SPNS2: variants seen among roughly 807,000 people sequenced by gnomAD.
The protein encoded by SPNS2 is SPNS lysolipid transporter 2, sphingosine-1-phosphate, also known as sphingosine-1-phosphate transporter SPNS2.
Under a neutral mutation model 57.6 loss-of-function variants are expected in SPNS2, and 37 were observed. The observed-to-expected ratio is 0.64, with a 90% confidence interval of 0.49 to 0.85. The LOEUF is 0.85. Among genes scored for constraint, SPNS2 ranks in the 40% least tolerant of loss-of-function variants. The probability of loss-of-function intolerance (pLI) is 0.00; values close to 1 mark genes in which losing one functional copy is unlikely to be tolerated. For missense variants in SPNS2, 831 were observed against 779.1 expected (o/e 1.07, Z -0.79); for synonymous variants, 440 against 346.9 (o/e 1.27, Z -2.98).
chr17:4,499,456 C>A lies in SPNS2; in HGVS notation c.370+39C>A. The A allele has an allele frequency of 8.2e-7, 1 of 1,220,486 alleles. No homozygotes were observed. The highest frequency in any genetic ancestry group is 1.1e-6 in the Non-Finnish European group (1 of 949,932). 75.6% of individuals were successfully genotyped at this position (1,220,486 alleles called of 1,614,324 possible). The stretch of plus-strand genomic sequence containing the variant: ...CCACCCAGCCCGAGGACCAAGACCC[C>A]ACCCCATCCCACCACCCGCCTCGAG... On this transcript the variant is annotated intron_variant, in intron 1 of 12. Coordinates refer to ENST00000329078, the MANE Select transcript of SPNS2 (RefSeq NM_001124758.3). This position sits in a 1 kb window ranked among gnomAD's most constrained non-coding sequence, Gnocchi z 5.2.
intron 1 of SPNS2, among the ~76,000 whole-genome samples, chr17:4,505,726 G>A (rs1309004224): frequency 1.3e-5 from 2 of 152,332 alleles, no homozygotes; most frequent in South Asian, 4.1e-4. Context: ...GGCCACAGGG[G>A]AGAGGAGAGG....
chr17:4,533,354 T>G lies in SPNS2; in HGVS notation c.1200T>G (p.Cys400Trp), dbSNP rs1905590339. The G allele has an allele frequency of 1.9e-6, 3 of 1,611,876 alleles. No individual in the cohort carries two copies. The highest frequency in any genetic ancestry group is 2.5e-6 in the Non-Finnish European group (3 of 1,179,662). ...LKTQRADPLV[C>W]AVGMLGSAIF... ...CCCAGCGGGCCGACCCACTGGTGTG[T>G]GCCGTGGGCATGCTGGGCTCTGCCA... is the stretch of plus-strand genomic sequence containing the variant. Residue 400 changes from cysteine to tryptophan, a missense_variant, in exon 8 of 13, where the codon TGT (cysteine) becomes TGG (tryptophan). Cys to Trp is a radical substitution (Grantham distance 215, BLOSUM62 -2). Transcript: ENST00000329078.
intron 2 of SPNS2, among the ~76,000 whole-genome samples, chr17:4,524,185 C>CT (rs1453337114): frequency 6.6e-6 from 1 of 152,170 alleles, no homozygotes; most frequent in Non-Finnish European, 1.5e-5. Context: ...CCTCTCTGAG[C>CT]TTCTTTCACA....
intron 9 of SPNS2, among the ~76,000 whole-genome samples, chr17:4,534,990 C>T (rs895085602): frequency 2.0e-5 from 3 of 152,178 alleles, no homozygotes; most frequent in Admixed American, 1.3e-4. Flanking sequence ...CTCGTTTCAT[C>T]AGATTCAGGC....
At chr17:4,520,754 C>G (rs1905119230) in intron 2 of SPNS2, among the ~76,000 whole-genome samples, 1 of 152,126 alleles carries the variant, frequency 6.6e-6, no homozygotes. Flanking sequence ...TGGAGTCTGC[C>G]AAACTGGGAT....
At position 4,520,563 on chromosome 17, in the gene SPNS2, C is replaced by T. The variant is rs138837210; in HGVS notation, c.437-4494C>T. Reference sequence around the variant, plus strand: ...CCAAACCCTGTCCTGGTCTTTAGCCCAGTCCTCCCTCCACAGCCTCATCTC... The same window carrying T: ...CCAAACCCTGTCCTGGTCTTTAGCCTAGTCCTCCCTCCACAGCCTCATCTC... On this transcript the variant is annotated intron_variant, in intron 2 of 12. Transcript: ENST00000329078. Among the ~76,000 whole-genome samples the T allele has an allele frequency of 5.7e-3, 865 of 152,198 alleles. 5 individuals carry two copies. Among genetic ancestry groups the T allele is most frequent in the Middle Eastern group, 0.031 (9 of 294 alleles).
At chr17:4,520,416 T>G (rs1045191752) in intron 2 of SPNS2, among the ~76,000 whole-genome samples, 4 of 152,136 alleles carry the variant, frequency 2.6e-5, no homozygotes, top group African/African-American at 9.7e-5. Flanking sequence ...GGCGAAGGTC[T>G]GGGTCACGTC....
intron 2 of SPNS2, among the ~76,000 whole-genome samples, chr17:4,517,882 G>A (rs1322226000): frequency 6.6e-6 from 1 of 152,180 alleles, no homozygotes; most frequent in Non-Finnish European, 1.5e-5. Flanking sequence ...AATACCAGAA[G>A]TGAAAAATAT....
At position 4,530,673 on chromosome 17, in the gene SPNS2, C is replaced by CG. The variant is rs1567594473; in HGVS notation, c.619dup (p.Glu207GlyfsTer79). 1 of 1,613,600 alleles carries CG rather than the reference C, an allele frequency of 6.2e-7. No individual in the cohort carries two copies. ...TCCTGTCCCGGGGGCTGGTGGGCAT[C>CG]GGGGAGGCCAGCTACTCCACCATCG... On this transcript the variant is annotated frameshift_variant, in exon 4 of 13. Transcript: ENST00000329078. LOFTEE classifies it high-confidence loss of function.
Position 4,533,237 on chromosome 17 carries a change from C to T in SPNS2, c.1089-6C>T. The T allele has an allele frequency of 1.3e-6, 2 of 1,594,682 alleles. No homozygotes were observed. Among genetic ancestry groups the T allele is most frequent in the Non-Finnish European group, 1.7e-6 (2 of 1,167,580 alleles). On this transcript the variant is annotated splice_polypyrimidine_tract_variant and splice_region_variant and intron_variant, in intron 7 of 12. Coordinates refer to ENST00000329078, the MANE Select transcript of SPNS2 (RefSeq NM_001124758.3). ...ACTCGTGCGCCACCATCCTCTGTCC[C>T]CACAGCCTCATCTTTGGGGCCATCA...
At chr17:4,516,614 T>C (rs1260626831) in intron 2 of SPNS2, among the ~76,000 whole-genome samples, 2 of 152,208 alleles carry the variant, frequency 1.3e-5, no homozygotes, top group African/African-American at 4.8e-5. Context: ...CGGAGAACAC[T>C]TCCCTGAGGA....
rs758021870 is a variant in SPNS2, at chr17:4,513,364, G to C, written c.436+52G>C. 1.8e-5 allele frequency: 29 copies of C among 1,593,394 alleles called. No homozygotes were observed. The African/African-American group carries it at 3.9e-4, about 21-fold the overall frequency. ...CCACGCCCAGGCGTTGGCGTCGTGG[G>C]TCCTGTCCTGTTGGTCGTCATCTGC... On this transcript the variant is annotated intron_variant, in intron 2 of 12. Coordinates refer to ENST00000329078, the MANE Select transcript of SPNS2 (RefSeq NM_001124758.3).
chr17:4,535,316 C>T (rs1905724848), intron 9 of SPNS2, among the ~76,000 whole-genome samples: 1 of 152,176 alleles, frequency 6.6e-6, no homozygotes, highest in South Asian at 2.1e-4. Flanking sequence ...AGCGGAGGCT[C>T]TTGCAGGCAG....
At chr17:4,536,021 G>A (rs922736074) in intron 9 of SPNS2, 55 bp from the exon 10 acceptor site, 17 of 1,529,988 alleles carry the variant, frequency 1.1e-5, no homozygotes, top group Non-Finnish European at 1.3e-5. Context: ...CGGGGCCAGG[G>A]CCAAGCGCGT....
chr17:4,503,463 C>A (rs1367194119), intron 1 of SPNS2, among the ~76,000 whole-genome samples: 2 of 152,222 alleles, frequency 1.3e-5, no homozygotes, highest in African/African-American at 2.4e-5. Context: ...CTCACGCCCC[C>A]TCTAACTAGC....
rs375044616 is a variant in SPNS2 at position 4,530,622 on chromosome 17, C to A, written c.574-10C>A. ...GTCGGTCCCCCAGCATCCTCCACCC[C>A]TCCTCACAGTACTTCTGGCTGCTGG... On this transcript the variant is annotated splice_polypyrimidine_tract_variant and intron_variant, in intron 3 of 12. Transcript: ENST00000329078. 15 of 1,609,010 alleles carry A rather than the reference C, an allele frequency of 9.3e-6. No homozygotes were observed. Among genetic ancestry groups the A allele is most frequent in the Non-Finnish European group, 1.3e-5 (15 of 1,177,774 alleles).
intron 1 of SPNS2, among the ~76,000 whole-genome samples, chr17:4,504,313 G>A (rs979231725): frequency 2.0e-5 from 3 of 152,238 alleles, no homozygotes; most frequent in East Asian, 1.9e-4. Context: ...GAATGTCAGC[G>A]CCCTTGTGAC....
At chr17:4,534,291 C>G in intron 9 of SPNS2, 1 of 224,104 alleles carries the variant, frequency 4.5e-6, no homozygotes, top group Non-Finnish European at 9.1e-6. Context: ...ACAATGGGCT[C>G]TAGCCCAGCC....
intron 1 of SPNS2, among the ~76,000 whole-genome samples, chr17:4,506,789 GC>G (rs1200583891): frequency 6.6e-6 from 1 of 152,154 alleles, no homozygotes; most frequent in African/African-American, 2.4e-5. Context: ...AAGCTGCTCT[GC>G]CATTAATGAC....
Sources: gnomAD v4.1 joint callset for allele counts (sites outside exome capture counted in the v4.1 genomes callset) on GRCh38, gnomAD v4.1.1 for gene constraint, Gnocchi (gnomAD v3.1) non-coding constraint, MANE v1.5 for transcripts, NCBI Gene and HGNC (gene_info 2026-07-23, HGNC 2026-07-21) for gene names.